The following FHOD3 variants were observed in gnomAD, a reference collection of about 807,000 sequenced individuals.
FHOD3 encodes the protein formin homology 2 domain containing 3.
In FHOD3, 90 loss-of-function variants were observed where a neutral mutation model predicts 173.0. The observed-to-expected ratio is 0.52, with a 90% CI of 0.44 to 0.62. The LOEUF is 0.62. FHOD3 is among the 20% of genes least tolerant of loss of function. The pLI, the probability that FHOD3 is intolerant of heterozygous loss-of-function variation, is 0.00. For missense variants in FHOD3, 1,945 were observed against 2,034.7 expected (o/e 0.96, Z 0.85); for synonymous variants, 828 against 823.0 (o/e 1.01, Z -0.10).
intron 6 of FHOD3, among the ~76,000 whole-genome samples, chr18:36,590,874 C>T (rs1165540849): frequency 2.0e-5 from 3 of 152,102 alleles, no homozygotes; most frequent in Admixed American, 6.5e-5. Context: ...TGCCTGAGAC[C>T]GTATCGGTCA....
chr18:36,390,457 C>T (rs1195111790), intron 3 of FHOD3, among the ~76,000 whole-genome samples: 2 of 152,184 alleles, frequency 1.3e-5, no homozygotes, highest in Non-Finnish European at 2.9e-5. Flanking sequence ...GCCTGCTGTT[C>T]TGGAGGAGAC....
intron 3 of FHOD3, among the ~76,000 whole-genome samples, chr18:36,466,439 G>A (rs992439806): frequency 6.6e-6 from 1 of 152,134 alleles, no homozygotes; most frequent in Non-Finnish European, 1.5e-5. Flanking sequence ...GGCTTTTAAA[G>A]GCAGGGGTAT....
intron 2 of FHOD3, among the ~76,000 whole-genome samples, chr18:36,360,731 T>G (rs2145854021): frequency 6.6e-6 from 1 of 152,276 alleles, no homozygotes; most frequent in South Asian, 2.1e-4. Flanking sequence ...AGTTTGTGGG[T>G]TTGTGGGATT....
chr18:36,654,662 T>G (rs1419639901), intron 13 of FHOD3, among the ~76,000 whole-genome samples: 1 of 152,168 alleles, frequency 6.6e-6, no homozygotes, highest in Non-Finnish European at 1.5e-5. Flanking sequence ...GATTCTCAGG[T>G]GGGCACGTAG....
intron 3 of FHOD3, among the ~76,000 whole-genome samples, chr18:36,458,003 A>G (rs2052321091): frequency 6.6e-6 from 1 of 152,154 alleles, no homozygotes; most frequent in South Asian, 2.1e-4. Context: ...GAAGGGAGAG[A>G]ACACTTGAGA....
intron 5 of FHOD3, among the ~76,000 whole-genome samples, chr18:36,555,454 G>T (rs1175595274): frequency 6.6e-6 from 1 of 151,410 alleles, no homozygotes; most frequent in Non-Finnish European, 1.5e-5. Flanking sequence ...GTGTTTTTGT[G>T]GGTCAGAATC....
chr18:36,669,165 T>C (rs1600167880), intron 14 of FHOD3, among the ~76,000 whole-genome samples: 1 of 151,932 alleles, frequency 6.6e-6, no homozygotes, highest in African/African-American at 2.4e-5. Flanking sequence ...ATATTTACAA[T>C]TGTTATATCC....
Position 36,508,291 on chromosome 18 carries a change from T to C in FHOD3, c.406-4147T>C, listed in dbSNP as rs534017817. ...AAGCTTTTTTTTTTTTAAAAAAAGC[T>C]AGAAGCAATAATCAATTCATTAGCA... On this transcript the variant is annotated intron_variant, in intron 4 of 28. Transcript: ENST00000590592. Among the ~76,000 whole-genome samples the C allele has an allele frequency of 5.3e-5, 8 of 151,180 alleles. No homozygotes were observed. In the South Asian group the frequency reaches 1.7e-3, roughly 32 times the overall value.
At chr18:36,733,373 G>A (rs997971153) in intron 20 of FHOD3, among the ~76,000 whole-genome samples, 2 of 152,168 alleles carry the variant, frequency 1.3e-5, no homozygotes, top group Non-Finnish European at 2.9e-5. Context: ...TACACAACAA[G>A]GTCCTTTAGA....
rs141148037 is a variant in FHOD3, at chr18:36,681,512, C to T, written c.1912C>T (p.Arg638Trp). 7.9e-4 allele frequency: 1,274 copies of T among 1,613,476 alleles called. 1 individual carries two copies. The highest frequency in any genetic ancestry group is 1.0e-3 in the Non-Finnish European group (1,174 of 1,179,828). ...ACTGGCAGCAGAGAGAGAGAGGCGG[C>T]GGCAGGAGAGAGAAGAAAGGTTGCA... is the stretch of plus-strand genomic sequence containing the variant. ...ESLAAERERR[R>W]QEREERLQRI... Residue 638 changes from arginine (R) to tryptophan (W), a missense_variant, in exon 15 of 29, where the codon CGG becomes TGG. Transcript: ENST00000590592.
intron 13 of FHOD3, among the ~76,000 whole-genome samples, chr18:36,656,885 A>G (rs962100527): frequency 6.6e-6 from 1 of 152,216 alleles, no homozygotes; most frequent in African/African-American, 2.4e-5. Flanking sequence ...CATGATCTAA[A>G]TAATGTTCCA....
intron 4 of FHOD3, among the ~76,000 whole-genome samples, chr18:36,507,642 A>T (rs1224120454): frequency 1.3e-5 from 2 of 152,196 alleles, no homozygotes; most frequent in Non-Finnish European, 2.9e-5. Flanking sequence ...CTTCTAGAAG[A>T]TGTCTCTGTC....
chr18:36,657,782 G>T (rs1401264285), intron 13 of FHOD3, among the ~76,000 whole-genome samples: 16 of 152,128 alleles, frequency 1.1e-4, no homozygotes, highest in Non-Finnish European at 1.2e-4. Context: ...ATTTATGTTA[G>T]CAAATAATTT....
rs572974626 is a variant in FHOD3 at position 36,355,709 on chromosome 18, G to T, written c.272+64G>T. 4.5e-6 allele frequency: 6 copies of T among 1,332,674 alleles called. No individual in the cohort carries two copies. In the African/African-American group the frequency reaches 7.2e-5, roughly 16 times the overall value. 82.6% of individuals were successfully genotyped at this position (1,332,674 alleles called of 1,614,324 possible). A position where few individuals can be genotyped will look rare whatever the true frequency, so the allele number is the denominator to read the frequency against. On this transcript the variant is annotated intron_variant, in intron 2 of 28. Transcript: ENST00000590592. ...TACCAGGAAATGGGGGTACATTGAG[G>T]CCTTAAAGTATTTAGGAGGAACTAC...
At chr18:36,740,002 T>A (rs1290039696) in intron 20 of FHOD3, among the ~76,000 whole-genome samples, 1 of 152,184 alleles carries the variant, frequency 6.6e-6, no homozygotes. Context: ...GGAGTAGACA[T>A]GAGAATTTTT....
rs954684 is a variant in FHOD3, at chr18:36,397,547, C to T, written c.337+24803C>T. Among the ~76,000 whole-genome samples the T allele has an allele frequency of 4.1e-4, 63 of 152,236 alleles. No homozygotes were observed. In the Middle Eastern group the frequency reaches 0.017, roughly 41 times the overall value. On this transcript the variant is annotated intron_variant, in intron 3 of 28. Coordinates refer to ENST00000590592, the MANE Select transcript of FHOD3 (RefSeq NM_001281740.3). Reference sequence around the variant, plus strand: ...AAGTAGTATAGAGACCCCATATGCTCTTCACCCATTATTTGTTATATTTTA... The same window carrying T: ...AAGTAGTATAGAGACCCCATATGCTTTTCACCCATTATTTGTTATATTTTA...
chr18:36,455,014 A>T (rs1442163128), intron 3 of FHOD3, among the ~76,000 whole-genome samples: 1 of 152,204 alleles, frequency 6.6e-6, no homozygotes, highest in African/African-American at 2.4e-5. Context: ...AAACCCGCTA[A>T]TATGAGGTTG....
intron 3 of FHOD3, among the ~76,000 whole-genome samples, chr18:36,494,692 T>C (rs912104415): frequency 6.6e-6 from 1 of 152,324 alleles, no homozygotes; most frequent in South Asian, 2.1e-4. Flanking sequence ...GCCTTAGCTC[T>C]CATTGGCTGC....
intron 6 of FHOD3, among the ~76,000 whole-genome samples, chr18:36,591,831 G>A (rs1599780424): frequency 6.6e-6 from 1 of 152,206 alleles, no homozygotes; most frequent in African/African-American, 2.4e-5. Context: ...GCTGAGGTGG[G>A]AGGATGACTT....
Sources: gnomAD v4.1 joint callset for allele counts (sites outside exome capture counted in the v4.1 genomes callset) on GRCh38, gnomAD v4.1.1 for gene constraint, MANE v1.5 for transcripts, NCBI Gene and HGNC (gene_info 2026-07-23, HGNC 2026-07-21) for gene names.